Variants in INSC observed in about 807,000 individuals in gnomAD.
The protein encoded by INSC is INSC spindle orientation adaptor protein.
A neutral mutation model predicts 58.6 loss-of-function variants in INSC; 67 were observed. The observed-to-expected ratio is 1.14, with a 90% CI of 0.94 to 1.40. The LOEUF is 1.40. Among genes scored for constraint, INSC ranks in the 40% most tolerant of loss-of-function variants. The pLI, the probability that INSC is intolerant of heterozygous loss-of-function variation, is 0.00. For missense variants in INSC, 714 were observed against 692.0 expected (o/e 1.03, Z -0.36); for synonymous variants, 262 against 276.1 (o/e 0.95, Z 0.51).
intron 12 of INSC, among the ~76,000 whole-genome samples, chr11:15,244,991 G>A (rs368160828): frequency 8.5e-5 from 13 of 152,142 alleles, no homozygotes; most frequent in African/African-American, 1.4e-4. Context: ...AAAGCACTTC[G>A]TTTATTCATT....
At chr11:15,158,548 T>G (rs1848896947) in intron 2 of INSC, among the ~76,000 whole-genome samples, 1 of 152,142 alleles carries the variant, frequency 6.6e-6, no homozygotes, top group Admixed American at 6.5e-5. Context: ...AGTCAGGCCC[T>G]CTGTCTTCTG....
intron 2 of INSC, among the ~76,000 whole-genome samples, chr11:15,167,933 G>A (rs1246235572): frequency 2.6e-5 from 4 of 152,066 alleles, no homozygotes; most frequent in African/African-American, 4.8e-5. Context: ...ATATCTTGGC[G>A]GCTCATGATT....
At chr11:15,252,886 G>T in the INSC span, among the ~76,000 whole-genome samples, 2 of 152,086 alleles carry the variant, frequency 1.3e-5, no homozygotes, top group Non-Finnish European at 2.9e-5. Context: ...TTTCTAAACT[G>T]CTCACTCAAT....
chr11:15,200,693 TG>T, intron 6 of INSC, 130 bp from the exon 7 acceptor site: 1 of 1,094,944 alleles, frequency 9.1e-7, no homozygotes, highest in East Asian at 2.5e-5. Context: ...TAAGTGTGTG[TG>T]GGGCGGGGGT....
chr11:15,229,923 T>G (rs1466944544), intron 9 of INSC, among the ~76,000 whole-genome samples: 1 of 95,440 alleles, frequency 1.0e-5, no homozygotes, highest in East Asian at 2.4e-4. Flanking sequence ...TATATAAATT[T>G]TTTATATATT....
At chr11:15,160,318 C>A (rs1848973976) in intron 2 of INSC, among the ~76,000 whole-genome samples, 1 of 152,140 alleles carries the variant, frequency 6.6e-6, no homozygotes, top group Admixed American at 6.5e-5. Flanking sequence ...CCAGCATGTG[C>A]AAAGCCTGGG....
At chr11:15,146,531 G>A (rs72859851) in intron 1 of INSC, among the ~76,000 whole-genome samples, 1 of 152,188 alleles carries the variant, frequency 6.6e-6, no homozygotes, top group Non-Finnish European at 1.5e-5. Flanking sequence ...CTGCATAACT[G>A]CTGGGAAGCT....
chr11:15,249,273 G>T (rs1852624992), downstream of INSC, among the ~76,000 whole-genome samples: 1 of 152,226 alleles, frequency 6.6e-6, no homozygotes, highest in Admixed American at 6.5e-5. Context: ...AGGTAGAAAA[G>T]TCTACATCCT....
the INSC span, among the ~76,000 whole-genome samples, chr11:15,262,025 A>G: frequency 3.9e-5 from 6 of 152,088 alleles, no homozygotes; most frequent in African/African-American, 1.2e-4. Context: ...GCAGACAAGT[A>G]AGCCTATCAA....
At chr11:15,206,442 T>G (rs1850801115) in intron 7 of INSC, among the ~76,000 whole-genome samples, 1 of 152,100 alleles carries the variant, frequency 6.6e-6, no homozygotes, top group African/African-American at 2.4e-5. Context: ...CTCCAAGTCT[T>G]CCAGGGTCTT....
chr11:15,235,755 G>T, intron 10 of INSC, 87 bp downstream of exon 10: 1 of 1,124,012 alleles, frequency 8.9e-7, no homozygotes. Flanking sequence ...GCCTGTGCAG[G>T]TATGTAAATA....
intron 7 of INSC, among the ~76,000 whole-genome samples, chr11:15,214,867 T>G (rs1176694183): frequency 6.6e-6 from 1 of 152,184 alleles, no homozygotes; most frequent in African/African-American, 2.4e-5. Context: ...CCACCAATCC[T>G]TTTATGCAAG....
chr11:15,254,123 T>G, the INSC span, among the ~76,000 whole-genome samples: 1 of 152,216 alleles, frequency 6.6e-6, no homozygotes, highest in Non-Finnish European at 1.5e-5. Context: ...GGTGCTATTA[T>G]TATATTTCCA....
At chr11:15,250,413 T>C (rs1224474651), downstream of INSC, among the ~76,000 whole-genome samples, 4 of 152,238 alleles carry the variant, frequency 2.6e-5, no homozygotes, top group East Asian at 7.7e-4. Context: ...CAAATGTAAG[T>C]TGTTGTCATC....
At chr11:15,141,704 T>A (rs1164915909) in intron 1 of INSC, among the ~76,000 whole-genome samples, 1 of 151,978 alleles carries the variant, frequency 6.6e-6, no homozygotes, top group Admixed American at 6.6e-5. Context: ...CTCCAATGAC[T>A]ATTGCCACCC....
At chr11:15,185,882 CAAATT>C (rs1849947549) in intron 5 of INSC, among the ~76,000 whole-genome samples, 1 of 152,050 alleles carries the variant, frequency 6.6e-6, no homozygotes, top group African/African-American at 2.4e-5. Flanking sequence ...ATTTAGCTGT[CAAATT>C]AAAAATGTGC....
At chr11:15,155,139 G>T (rs2133766128) in intron 2 of INSC, among the ~76,000 whole-genome samples, 1 of 152,272 alleles carries the variant, frequency 6.6e-6, no homozygotes, top group Admixed American at 6.5e-5. Flanking sequence ...CAAAATTTGA[G>T]CCAGTCATTT....
At chr11:15,119,283 C>T (rs1372968987) in intron 1 of INSC, among the ~76,000 whole-genome samples, 1 of 152,132 alleles carries the variant, frequency 6.6e-6, no homozygotes, top group African/African-American at 2.4e-5. Context: ...GGGGATCTCT[C>T]CCTCTGTCTT....
Position 15,175,931 on chromosome 11 carries a change from G to T in INSC, c.247G>T (p.Val83Phe), listed in dbSNP as rs1014731463. ...GCAGCTGCTGCTCAAACGGGGTTGG[G>T]TCATTAGCACAGAGCTGCGCAGGAT... ...PLQLLLKRGW[V>F]ISTELRRIGQ... is the part of the protein sequence containing the mutation. Residue 83 changes from valine to phenylalanine, a missense_variant, in exon 3 of 13, where the codon GTC (valine) becomes TTC (phenylalanine). Transcript: ENST00000379556. The T allele has an allele frequency of 1.2e-6, 2 of 1,614,070 alleles. No homozygotes were observed. The highest frequency in any genetic ancestry group is 1.7e-6 in the Non-Finnish European group (2 of 1,180,022).
Sources: gnomAD v4.1 joint callset for allele counts (sites outside exome capture counted in the v4.1 genomes callset) on GRCh38, gnomAD v4.1.1 for gene constraint, MANE v1.5 for transcripts, NCBI Gene and HGNC (gene_info 2026-07-23, HGNC 2026-07-21) for gene names.